EEIG2: variants seen among roughly 807,000 people sequenced by gnomAD.
The protein encoded by EEIG2 is EEIG family member 2.
the EEIG2 span, among the ~76,000 whole-genome samples, chr1:108,619,638 A>G: frequency 6.6e-6 from 1 of 152,152 alleles, no homozygotes; most frequent in Non-Finnish European, 1.5e-5. Flanking sequence ...CTGTAATCCC[A>G]CACTTTGGGA....
chr1:108,605,420 T>C, the EEIG2 span, among the ~76,000 whole-genome samples: 1 of 152,196 alleles, frequency 6.6e-6, no homozygotes, highest in Non-Finnish European at 1.5e-5. Context: ...AACATATTTG[T>C]ATTCACTGCT....
chr1:108,607,019 C>T, the EEIG2 span, among the ~76,000 whole-genome samples: 1 of 152,134 alleles, frequency 6.6e-6, no homozygotes, highest in Admixed American at 6.5e-5. Flanking sequence ...TAGTTGGTTG[C>T]AATGCCAGGA....
the EEIG2 span, among the ~76,000 whole-genome samples, chr1:108,579,485 A>G: frequency 1.4e-5 from 2 of 146,860 alleles, no homozygotes; most frequent in African/African-American, 5.0e-5. Context: ...CCACACATTA[A>G]TAATGGGAGA....
chr1:108,578,334 A>G, the EEIG2 span, among the ~76,000 whole-genome samples: 1 of 129,438 alleles, frequency 7.7e-6, no homozygotes, highest in Admixed American at 8.8e-5. Flanking sequence ...TTTCAACACT[A>G]TGTTGAATAG....
the EEIG2 span, among the ~76,000 whole-genome samples, chr1:108,614,117 C>T: frequency 6.7e-6 from 1 of 149,450 alleles, no homozygotes; most frequent in African/African-American, 2.5e-5. Context: ...CTTGCTTCTA[C>T]TTCCCTGTCT....
the EEIG2 span, among the ~76,000 whole-genome samples, chr1:108,599,515 G>A: frequency 7.2e-5 from 11 of 151,962 alleles, no homozygotes; most frequent in East Asian, 1.9e-4. Context: ...ACCTACATAC[G>A]ACAGCAGAGA....
the EEIG2 span, among the ~76,000 whole-genome samples, chr1:108,586,243 G>A: frequency 2.0e-5 from 3 of 151,810 alleles, no homozygotes; most frequent in African/African-American, 7.3e-5. Context: ...CAAGGACTCA[G>A]GAAATGCATC....
chr1:108,613,644 T>C, the EEIG2 span, among the ~76,000 whole-genome samples: 1 of 152,140 alleles, frequency 6.6e-6, no homozygotes, highest in Non-Finnish European at 1.5e-5. Context: ...CATTCAGTCA[T>C]AACACTCTCT....
chr1:108,600,490 A>C, the EEIG2 span: 1 of 1,517,958 alleles, frequency 6.6e-7, no homozygotes, highest in South Asian at 1.2e-5. Flanking sequence ...GTTAGACTTG[A>C]GTGAAAGTAT....
the EEIG2 span, among the ~76,000 whole-genome samples, chr1:108,598,723 A>G: frequency 6.6e-6 from 1 of 152,240 alleles, no homozygotes; most frequent in African/African-American, 2.4e-5. Context: ...TCTGTTTAGA[A>G]CATAAAAGTA....
At chr1:108,634,568 G>A in the EEIG2 span, among the ~76,000 whole-genome samples, 1 of 152,298 alleles carries the variant, frequency 6.6e-6, no homozygotes, top group South Asian at 2.1e-4. Context: ...GGTGGCTCAT[G>A]CCTGTAATCC....
chr1:108,611,079 T>C, the EEIG2 span, among the ~76,000 whole-genome samples: 18 of 152,340 alleles, frequency 1.2e-4, no homozygotes, highest in South Asian at 3.1e-3. Context: ...TGGGTTCTTA[T>C]TCTTACATTC....
chr1:108,576,440 T>TC, the EEIG2 span, among the ~76,000 whole-genome samples: 2 of 106,628 alleles, frequency 1.9e-5, no homozygotes, highest in Non-Finnish European at 3.7e-5. Flanking sequence ...ATGCTATCCC[T>TC]CCCCCCTCCC....
the EEIG2 span, among the ~76,000 whole-genome samples, chr1:108,624,474 C>G: frequency 6.8e-6 from 1 of 147,720 alleles, no homozygotes; most frequent in Non-Finnish European, 1.5e-5. Flanking sequence ...GAATTTTATT[C>G]AAGTTTTGAA....
At chr1:108,621,623 G>A in the EEIG2 span, among the ~76,000 whole-genome samples, 9 of 152,172 alleles carry the variant, frequency 5.9e-5, no homozygotes, top group African/African-American at 2.2e-4. Flanking sequence ...TGGGAGTTCT[G>A]AGGGTTGGAA....
chr1:108,561,758 T>C, the EEIG2 span, among the ~76,000 whole-genome samples: 17 of 152,234 alleles, frequency 1.1e-4, no homozygotes, highest in Non-Finnish European at 2.5e-4. Context: ...ATGTAACCTA[T>C]TTTGGTGCAA....
chr1:108,591,675 G>C, the EEIG2 span, among the ~76,000 whole-genome samples: 1 of 152,150 alleles, frequency 6.6e-6, no homozygotes, highest in African/African-American at 2.4e-5. Flanking sequence ...GCCCCTCCCT[G>C]GGGGACAGTG....
At chr1:108,610,492 TC>T in the EEIG2 span, among the ~76,000 whole-genome samples, 1 of 152,058 alleles carries the variant, frequency 6.6e-6, no homozygotes, top group Admixed American at 6.6e-5. Flanking sequence ...TGTTGGAGGG[TC>T]AACGAAAAGG....
chr1:108,632,768 A>T, the EEIG2 span, among the ~76,000 whole-genome samples: 1 of 144,836 alleles, frequency 6.9e-6, no homozygotes, highest in South Asian at 2.1e-4. Context: ...TTATTAATTT[A>T]GGTACAGAAC....
Sources: gnomAD v4.1 joint callset for allele counts (sites outside exome capture counted in the v4.1 genomes callset) on GRCh38, gnomAD v4.1.1 for gene constraint, MANE v1.5 for transcripts, NCBI Gene and HGNC (gene_info 2026-07-23, HGNC 2026-07-21) for gene names.